Variants in ZNF483 observed in about 807,000 individuals in gnomAD.
The protein encoded by ZNF483 is zinc finger protein 483, also known as zinc finger protein HIT-10.
A neutral mutation model predicts 28.6 loss-of-function variants in ZNF483; 9 were observed. The observed-to-expected ratio is 0.32, with a 90% CI of 0.19 to 0.55. The LOEUF (loss-of-function observed/expected upper bound fraction) is 0.55, where lower values mean the gene tolerates loss of function less well. ZNF483 is among the 20% of genes least tolerant of loss of function. The probability of loss-of-function intolerance (pLI) is 0.93; values close to 1 mark genes in which losing one functional copy is unlikely to be tolerated. For synonymous variants in ZNF483, 322 were observed against 306.2 expected (o/e 1.05, Z -0.54); for missense variants, 675 against 871.7 (o/e 0.77, Z 2.84).
In ZNF483 at chr9:111,570,115, C is replaced by T. The variant is rs199528019; in HGVS notation, c.722-6250C>T. On this transcript the variant is annotated intron_variant, in intron 5 of 5. Transcript: ENST00000358151. ...CCTCTAAGACCCATTTCAGCAAGTC[C>T]TTCAGAGCTTTTTGGCGGGCATCTC... is the stretch of plus-strand genomic sequence containing the variant. 3 of 1,614,110 alleles carry T rather than the reference C, an allele frequency of 1.9e-6. No homozygotes were observed. In the Admixed American group the frequency reaches 5.0e-5, roughly 27 times the overall value.
chr9:111,560,187 A>G (rs955129799), downstream of ZNF483, among the ~76,000 whole-genome samples: 1 of 151,948 alleles, frequency 6.6e-6, no homozygotes, highest in African/African-American at 2.4e-5. Flanking sequence ...ACTACTAAAA[A>G]TACAAAAATC....
chr9:111,550,963 T>C lies in ZNF483; in HGVS notation c.*7793T>C, dbSNP rs1169107243. Among the ~76,000 whole-genome samples, 1 of 152,228 alleles carries C rather than the reference T, an allele frequency of 6.6e-6. No individual in the cohort carries two copies. ...CTGGAGGCTTTCCTGAAGCCTCTGA[T>C]GATCTTTGACTATTTATATTTAAGA... On this transcript the variant is annotated 3_prime_UTR_variant, in exon 6 of 6. Coordinates refer to ENST00000309235, the MANE Select transcript of ZNF483 (RefSeq NM_133464.5).
chr9:111,541,283 G>T (rs1313166550), intron 5 of ZNF483, among the ~76,000 whole-genome samples: 1 of 151,896 alleles, frequency 6.6e-6, no homozygotes, highest in East Asian at 1.9e-4. Context: ...TAGAGATGGG[G>T]TTTCACCGTG....
chr9:111,528,130 T>G (rs1479615456), intron 2 of ZNF483: 18 of 1,093,860 alleles, frequency 1.6e-5, no homozygotes, highest in Non-Finnish European at 2.3e-5. Context: ...ACAAGTTATC[T>G]GTGAAAGTGT....
At chr9:111,538,411 G>T (rs1827575083) in intron 5 of ZNF483, among the ~76,000 whole-genome samples, 1 of 151,424 alleles carries the variant, frequency 6.6e-6, no homozygotes, top group South Asian at 2.1e-4. Flanking sequence ...GATTGCTTGA[G>T]CCCAGGGGTT....
rs138710308 is a variant in ZNF483 at position 111,540,374 on chromosome 9, G to A, written c.722-1283G>A. Among the ~76,000 whole-genome samples the A allele has an allele frequency of 4.0e-4, 61 of 152,200 alleles. No homozygotes were observed. In the Middle Eastern group the frequency reaches 0.01, roughly 25 times the overall value. On this transcript the variant is annotated intron_variant, in intron 5 of 5. Transcript: ENST00000309235. ...AATTATCTGTTGAAAAAATAGTTTC[G>A]TAAAAGTGACAGTGTGACCTCATGG...
chr9:111,546,730 C>T lies in ZNF483; in HGVS notation c.*3560C>T, dbSNP rs1827816369. Among the ~76,000 whole-genome samples the T allele has an allele frequency of 6.6e-6, 1 of 152,104 alleles. No individual in the cohort carries two copies. Among genetic ancestry groups the T allele is most frequent in the Non-Finnish European group, 1.5e-5 (1 of 67,992 alleles). ...TTAAACACTTTTTGGTTATACAGCT[C>T]AATAGCATTTAGATAGATGCACATT... On this transcript the variant is annotated 3_prime_UTR_variant, in exon 6 of 6. Coordinates refer to ENST00000309235, the MANE Select transcript of ZNF483 (RefSeq NM_133464.5).
In ZNF483 at chr9:111,533,647, C is replaced by T. The variant is rs879892275; in HGVS notation, c.502-92C>T. 496 of 1,318,902 alleles carry T rather than the reference C, an allele frequency of 3.8e-4. 1 individual carries two copies. Among genetic ancestry groups the T allele is most frequent in the Middle Eastern group, 1.3e-3 (5 of 3,974 alleles). 81.7% of individuals were successfully genotyped at this position (1,318,902 alleles called of 1,614,324 possible). A position where few individuals can be genotyped will look rare whatever the true frequency, so the allele number is the denominator to read the frequency against. The stretch of plus-strand genomic sequence containing the variant: ...AAGCACCACTGCACTCTAACACGGG[C>T]GACAGAGCCATAATAGCCTGTCTCA... On this transcript the variant is annotated intron_variant, in intron 3 of 5. Coordinates refer to ENST00000309235, the MANE Select transcript of ZNF483 (RefSeq NM_133464.5).
At chr9:111,568,325 T>G (rs74207627) in intron 5 of ZNF483, among the ~76,000 whole-genome samples, 1 of 152,024 alleles carries the variant, frequency 6.6e-6, no homozygotes, top group Non-Finnish European at 1.5e-5. Flanking sequence ...GTCTGTCTTA[T>G]GCATTTGAGA....
intron 5 of ZNF483, among the ~76,000 whole-genome samples, chr9:111,567,462 A>G (rs1485610378): frequency 3.3e-5 from 5 of 152,130 alleles, no homozygotes; most frequent in Admixed American, 6.6e-5. Flanking sequence ...TGGGATTACA[A>G]GTGTGAACCA....
intron 5 of ZNF483, among the ~76,000 whole-genome samples, chr9:111,568,287 G>A (rs1311296930): frequency 6.6e-6 from 1 of 152,112 alleles, no homozygotes; most frequent in African/African-American, 2.4e-5. Context: ...ATTCCTGGGG[G>A]AGGTCTATAA....
intron 5 of ZNF483, among the ~76,000 whole-genome samples, chr9:111,567,674 C>T (rs1340387489): frequency 6.6e-6 from 1 of 152,134 alleles, no homozygotes; most frequent in East Asian, 1.9e-4. Flanking sequence ...AAGTGAAATG[C>T]AGAGCTTTGC....
At chr9:111,528,854 A>C (rs887879900) in intron 2 of ZNF483, among the ~76,000 whole-genome samples, 4 of 152,128 alleles carry the variant, frequency 2.6e-5, no homozygotes, top group African/African-American at 9.7e-5. Flanking sequence ...GCAATAAAGA[A>C]TTGATTTCGG....
intron 5 of ZNF483, among the ~76,000 whole-genome samples, chr9:111,565,807 G>A (rs903519821): frequency 3.3e-5 from 5 of 152,226 alleles, no homozygotes; most frequent in African/African-American, 7.2e-5. Flanking sequence ...TTATAGCTAT[G>A]AGCCACCGCA....
intron 5 of ZNF483, among the ~76,000 whole-genome samples, chr9:111,560,636 CAAA>C (rs1015199330): frequency 7.6e-5 from 2 of 26,294 alleles, no homozygotes; most frequent in East Asian, 1.2e-3. Context: ...GACACCATCT[CAAA>C]AAAAAAAAAA....
In ZNF483 at chr9:111,553,795, A is replaced by C. The variant is rs1828040852; in HGVS notation, c.*10625A>C. Among the ~76,000 whole-genome samples, 2 of 152,220 alleles carry C rather than the reference A, an allele frequency of 1.3e-5. No homozygotes were observed. Among genetic ancestry groups the C allele is most frequent in the Non-Finnish European group, 2.9e-5 (2 of 68,036 alleles). On this transcript the variant is annotated 3_prime_UTR_variant, in exon 6 of 6. Coordinates refer to ENST00000309235, the MANE Select transcript of ZNF483 (RefSeq NM_133464.5). ...GGCACTGTGTGGATTTCCATTTCTCACTAGCCTCAAGTGACTACCATATTA... is the reference window on the plus strand; with the variant it reads ...GGCACTGTGTGGATTTCCATTTCTCCCTAGCCTCAAGTGACTACCATATTA...
rs1041044143 is a variant in ZNF483, at chr9:111,539,396, C to G, written c.722-2261C>G. 13 of 455,604 alleles carry G rather than the reference C, an allele frequency of 2.9e-5. 1 individual carries two copies. The highest frequency in any genetic ancestry group is 4.4e-5 in the Non-Finnish European group (10 of 226,684). 28.2% of individuals were successfully genotyped at this position (455,604 alleles called of 1,614,324 possible). A position where few individuals can be genotyped will look rare whatever the true frequency, so the allele number is the denominator to read the frequency against. Reference sequence around the variant, plus strand: ...CATGTGTCATTTAAAGCAGTATAACCTTTCTACCCTTTGGTTTAGTAATTC... The same window carrying G: ...CATGTGTCATTTAAAGCAGTATAACGTTTCTACCCTTTGGTTTAGTAATTC... On this transcript the variant is annotated intron_variant, in intron 5 of 5. Transcript: ENST00000309235.
At chr9:111,526,115 G>A (rs1281100332) in intron 1 of ZNF483, among the ~76,000 whole-genome samples, 2 of 152,150 alleles carry the variant, frequency 1.3e-5, no homozygotes, top group Non-Finnish European at 2.9e-5. Context: ...GTGTGCAAAG[G>A]AGTGCTTTGG....
chr9:111,574,981 A>T, intron 5 of ZNF483: 2 of 638,158 alleles, frequency 3.1e-6, no homozygotes, highest in Non-Finnish European at 5.2e-6. Flanking sequence ...AGTGCAGAAG[A>T]CTGCAGTTAG....
Sources: gnomAD v4.1 joint callset for allele counts (sites outside exome capture counted in the v4.1 genomes callset) on GRCh38, gnomAD v4.1.1 for gene constraint, MANE v1.5 for transcripts, NCBI Gene and HGNC (gene_info 2026-07-23, HGNC 2026-07-21) for gene names.